CPA6: variants seen among roughly 807,000 people sequenced by gnomAD.
CPA6 encodes carboxypeptidase A6.
In CPA6, 58 loss-of-function variants were observed where a neutral mutation model predicts 63.3. The ratio of observed to expected loss-of-function variants is 0.92; its 90% CI spans 0.74 to 1.14. The LOEUF (loss-of-function observed/expected upper bound fraction) is 1.14. Among genes scored for constraint, CPA6 ranks in the 50% most tolerant of loss-of-function variants. The probability of loss-of-function intolerance (pLI) is 0.00; values close to 1 mark genes in which losing one functional copy is unlikely to be tolerated. For missense variants in CPA6, 565 were observed against 526.6 expected (o/e 1.07, Z -0.71); for synonymous variants, 185 against 179.0 (o/e 1.03, Z -0.27).
At chr8:67,559,501 G>C (rs1337345004) in intron 2 of CPA6, among the ~76,000 whole-genome samples, 15 of 152,038 alleles carry the variant, frequency 9.9e-5, no homozygotes, top group Admixed American at 9.8e-4. Flanking sequence ...CTCCTTTCTA[G>C]GGTAGAGGAT....
chr8:67,465,610 G>T (rs1810907533), intron 8 of CPA6, among the ~76,000 whole-genome samples: 1 of 152,100 alleles, frequency 6.6e-6, no homozygotes, highest in Non-Finnish European at 1.5e-5. Flanking sequence ...TTCCCGTTCA[G>T]TATGATGTTG....
At chr8:67,573,027 G>A (rs1163255540) in intron 2 of CPA6, among the ~76,000 whole-genome samples, 1 of 152,134 alleles carries the variant, frequency 6.6e-6, no homozygotes, top group East Asian at 1.9e-4. Context: ...GAAAAAGCAT[G>A]ATTATTTCTT....
At chr8:67,515,362 C>T (rs1372323420) in intron 3 of CPA6, among the ~76,000 whole-genome samples, 1 of 152,162 alleles carries the variant, frequency 6.6e-6, no homozygotes, top group Non-Finnish European at 1.5e-5. Context: ...AGTCTCCCTT[C>T]CTTTGTAAAT....
chr8:67,432,537 G>C (rs1219467989), intron 9 of CPA6, among the ~76,000 whole-genome samples: 3 of 152,140 alleles, frequency 2.0e-5, no homozygotes, highest in African/African-American at 4.8e-5. Context: ...ATGTCTCACT[G>C]CAGCCCTGAC....
chr8:67,590,121 T>C (rs1375383032), intron 2 of CPA6, among the ~76,000 whole-genome samples: 1 of 151,776 alleles, frequency 6.6e-6, no homozygotes, highest in East Asian at 1.9e-4. Flanking sequence ...TTCCCATCTA[T>C]GAGTGAGAAC....
intron 6 of CPA6, among the ~76,000 whole-genome samples, chr8:67,498,932 C>A (rs1281113168): frequency 6.6e-6 from 1 of 152,154 alleles, no homozygotes; most frequent in Non-Finnish European, 1.5e-5. Flanking sequence ...TGACTATCAA[C>A]TTAAAAGACT....
intron 2 of CPA6, among the ~76,000 whole-genome samples, chr8:67,535,926 C>G (rs1033594294): frequency 2.6e-5 from 4 of 152,174 alleles, no homozygotes; most frequent in African/African-American, 9.7e-5. Flanking sequence ...CTGCATATGG[C>G]TAGGCAGTTT....
At chr8:67,595,629 A>G (rs1814308022) in intron 2 of CPA6, among the ~76,000 whole-genome samples, 1 of 152,052 alleles carries the variant, frequency 6.6e-6, no homozygotes, top group African/African-American at 2.4e-5. Context: ...TTGCAGTTTG[A>G]TCTCAGACTG....
chr8:67,457,010 C>T (rs150207972), intron 8 of CPA6, among the ~76,000 whole-genome samples: 52 of 152,372 alleles, frequency 3.4e-4, no homozygotes, highest in African/African-American at 1.1e-3. Context: ...CAAGAGCTGC[C>T]TGAGGGAGTG....
intron 8 of CPA6, among the ~76,000 whole-genome samples, chr8:67,482,971 T>C (rs558682580): frequency 6.6e-6 from 1 of 152,280 alleles, no homozygotes; most frequent in East Asian, 1.9e-4. Flanking sequence ...GCATCTCACA[T>C]AGAACCTAAC....
In CPA6 at chr8:67,746,161, T is replaced by A; in HGVS notation, c.-32A>T. The A allele has an allele frequency of 6.4e-7, 1 of 1,555,572 alleles. No individual in the cohort carries two copies. Among genetic ancestry groups the A allele is most frequent in the Non-Finnish European group, 8.8e-7 (1 of 1,134,724 alleles). ...AAGAAGAGAGGAGTTGAAAGTTACT[T>A]AAGCAGCCACCCGAGGCTGGAGGTG... is the stretch of plus-strand genomic sequence containing the variant. On this transcript the variant is annotated 5_prime_UTR_variant, in exon 1 of 11. Transcript: ENST00000297770.
chr8:67,583,090 T>G (rs1813818957), intron 2 of CPA6, among the ~76,000 whole-genome samples: 1 of 151,780 alleles, frequency 6.6e-6, no homozygotes, highest in East Asian at 1.9e-4. Context: ...TGGTGAATAG[T>G]TTAGCACGAT....
At chr8:67,583,577 A>T (rs1813834404) in intron 2 of CPA6, among the ~76,000 whole-genome samples, 1 of 152,092 alleles carries the variant, frequency 6.6e-6, no homozygotes, top group African/African-American at 2.4e-5. Context: ...ATTATTAGTT[A>T]CAAAATTAAG....
chr8:67,527,100 C>G (rs1486390393), intron 2 of CPA6, among the ~76,000 whole-genome samples: 1 of 152,126 alleles, frequency 6.6e-6, no homozygotes, highest in Non-Finnish European at 1.5e-5. Flanking sequence ...GACAAGAGCC[C>G]CTGGGCTGTA....
At chr8:67,612,541 C>A (rs1004564479) in intron 2 of CPA6, among the ~76,000 whole-genome samples, 1 of 152,168 alleles carries the variant, frequency 6.6e-6, no homozygotes, top group African/African-American at 2.4e-5. Flanking sequence ...AGTCCATATT[C>A]AAAATGTAAC....
chr8:67,540,534 G>C (rs919140573), intron 2 of CPA6, among the ~76,000 whole-genome samples: 19 of 152,236 alleles, frequency 1.2e-4, no homozygotes, highest in African/African-American at 4.3e-4. Context: ...CTCAAGCGCT[G>C]TGCTGGGAGA....
chr8:67,713,500 A>G (rs1312657786), intron 1 of CPA6, among the ~76,000 whole-genome samples: 1 of 152,180 alleles, frequency 6.6e-6, no homozygotes, highest in African/African-American at 2.4e-5. Context: ...CCATGTAATC[A>G]GTTCATGGCT....
intron 1 of CPA6, among the ~76,000 whole-genome samples, chr8:67,737,989 G>A (rs189266426): frequency 3.9e-5 from 6 of 152,052 alleles, no homozygotes; most frequent in Admixed American, 6.5e-5. Context: ...TTCCGGTCCC[G>A]ACATTCTATG....
intron 8 of CPA6, among the ~76,000 whole-genome samples, chr8:67,460,129 C>T (rs1024290054): frequency 6.6e-6 from 1 of 152,150 alleles, no homozygotes; most frequent in Non-Finnish European, 1.5e-5. Flanking sequence ...AATACTCAGC[C>T]TTGAAATGTA....
Sources: gnomAD v4.1 joint callset for allele counts (sites outside exome capture counted in the v4.1 genomes callset) on GRCh38, gnomAD v4.1.1 for gene constraint, MANE v1.5 for transcripts, NCBI Gene and HGNC (gene_info 2026-07-23, HGNC 2026-07-21) for gene names.